Variants in ADGRB3 observed in about 807,000 individuals in gnomAD.
The protein encoded by ADGRB3 is brain-specific angiogenesis inhibitor 3.
Under a neutral mutation model 193.4 loss-of-function variants are expected in ADGRB3, and 37 were observed. The observed-to-expected ratio is 0.19, with a 90% CI of 0.15 to 0.25. The LOEUF is 0.25. ADGRB3 is among the 10% of genes least tolerant of loss of function. The probability of loss-of-function intolerance (pLI) is 1.00; values close to 1 mark genes in which losing one functional copy is unlikely to be tolerated. For synonymous variants in ADGRB3, 690 were observed against 644.2 expected, an observed-to-expected ratio of 1.07 and a Z score of -1.08; for missense variants, 1,637 against 1,852.9, an observed-to-expected ratio of 0.88 and a Z score of 2.14.
chr6:68,914,535 T>G (rs1766821604), intron 3 of ADGRB3, among the ~76,000 whole-genome samples: 1 of 152,046 alleles, frequency 6.6e-6, no homozygotes, highest in African/African-American at 2.4e-5. Context: ...AAGGAGCTCC[T>G]GAAGGAAGCA....
chr6:68,881,475 G>A (rs1765726883), intron 3 of ADGRB3, among the ~76,000 whole-genome samples: 1 of 152,074 alleles, frequency 6.6e-6, no homozygotes, highest in African/African-American at 2.4e-5. Context: ...ATATACATTG[G>A]CATGCAAGGC....
chr6:68,944,485 C>T (rs1444214641), intron 6 of ADGRB3, among the ~76,000 whole-genome samples: 1 of 152,082 alleles, frequency 6.6e-6, no homozygotes, highest in African/African-American at 2.4e-5. Flanking sequence ...AAATTGTAAA[C>T]AATTTACAAT....
At chr6:69,137,876 A>G (rs1774201817) in intron 17 of ADGRB3, among the ~76,000 whole-genome samples, 2 of 152,214 alleles carry the variant, frequency 1.3e-5, no homozygotes, top group African/African-American at 4.8e-5. Context: ...GCCTCATGTT[A>G]ACAGAACAAA....
chr6:68,778,232 G>T (rs1011369274), intron 3 of ADGRB3, among the ~76,000 whole-genome samples: 2 of 152,050 alleles, frequency 1.3e-5, no homozygotes, highest in African/African-American at 2.4e-5. Context: ...AATGGGTAAG[G>T]TTATCTAGTC....
chr6:69,375,894 G>T (rs2127342781), intron 30 of ADGRB3, among the ~76,000 whole-genome samples: 1 of 152,038 alleles, frequency 6.6e-6, no homozygotes, highest in African/African-American at 2.4e-5. Flanking sequence ...AGTGAACCAA[G>T]ATCGTGCCGC....
At chr6:69,217,922 G>A (rs1034678148) in intron 17 of ADGRB3, among the ~76,000 whole-genome samples, 5 of 151,988 alleles carry the variant, frequency 3.3e-5, no homozygotes, top group African/African-American at 1.2e-4. Flanking sequence ...AAAACTAAAT[G>A]AGTATGATAC....
chr6:69,364,020 G>A (rs1463150438), intron 29 of ADGRB3, among the ~76,000 whole-genome samples: 1 of 151,968 alleles, frequency 6.6e-6, no homozygotes, highest in Admixed American at 6.6e-5. Context: ...ATCACATGAG[G>A]CCTAAGCAAT....
intron 3 of ADGRB3, among the ~76,000 whole-genome samples, chr6:68,883,785 C>A (rs187414460): frequency 6.6e-6 from 1 of 152,170 alleles, no homozygotes; most frequent in Admixed American, 6.5e-5. Flanking sequence ...TAACACTCAC[C>A]GCCAGGGTCT....
At position 68,635,819 on chromosome 6, in the gene ADGRB3, C is replaced by G. The variant is rs141929159; in HGVS notation, c.-369C>G. On this transcript the variant is annotated 5_prime_UTR_variant, in exon 1 of 32. Transcript: ENST00000370598. ...ATCGACCCCCCTTTGGTTCCCACCC[C>G]CCACCTTTTGCTTTTCGTATGTATG... 2.6e-5 allele frequency: 4 copies of G among 153,464 alleles called. No homozygotes were observed. The highest frequency in any genetic ancestry group is 9.6e-5 in the African/African-American group (4 of 41,480). The allele number at this position is 153,464 out of a possible 1,614,324, so 9.5% of individuals were successfully genotyped here. A position where few individuals can be genotyped will look rare whatever the true frequency, so the allele number is the denominator to read the frequency against.
chr6:68,678,106 A>G (rs1764799446), intron 3 of ADGRB3, among the ~76,000 whole-genome samples: 1 of 152,036 alleles, frequency 6.6e-6, no homozygotes, highest in Non-Finnish European at 1.5e-5. Flanking sequence ...CTTGGTCTTT[A>G]TTTTCTTCAC....
At chr6:68,638,412 T>A (rs1582089697) in intron 2 of ADGRB3, among the ~76,000 whole-genome samples, 1 of 152,252 alleles carries the variant, frequency 6.6e-6, no homozygotes, top group Non-Finnish European at 1.5e-5. Context: ...TTCCTATTAA[T>A]AATCTATTAA....
At chr6:69,241,865 A>T (rs554202708) in intron 20 of ADGRB3, among the ~76,000 whole-genome samples, 1 of 152,006 alleles carries the variant, frequency 6.6e-6, no homozygotes, top group East Asian at 1.9e-4. Context: ...AAGTGGTAGT[A>T]TTGATGAAGA....
At chr6:69,210,546 A>G (rs1231205266) in intron 17 of ADGRB3, among the ~76,000 whole-genome samples, 1 of 152,076 alleles carries the variant, frequency 6.6e-6, no homozygotes, top group Non-Finnish European at 1.5e-5. Context: ...GACACTCGAT[A>G]ATAACCATCA....
chr6:68,772,819 A>G lies in ADGRB3; in HGVS notation c.757+133387A>G, dbSNP rs140229851. ...CATCACTTGAGCCCAGGAGTTTAAG[A>G]CCACCCTGGGCAACATGGTGAAAAC... On this transcript the variant is annotated intron_variant, in intron 3 of 31. Coordinates refer to ENST00000370598, the MANE Select transcript of ADGRB3 (RefSeq NM_001704.3). Among the ~76,000 whole-genome samples, 740 of 145,912 alleles carry G rather than the reference A, an allele frequency of 5.1e-3. 20 individuals carry two copies. The highest frequency in any genetic ancestry group is 0.049 in the Admixed American group (689 of 14,194).
At chr6:69,197,453 T>G (rs970627121) in intron 17 of ADGRB3, among the ~76,000 whole-genome samples, 2 of 151,976 alleles carry the variant, frequency 1.3e-5, no homozygotes, top group African/African-American at 4.8e-5. Flanking sequence ...AGTTACCTAC[T>G]TAATTGAAAA....
intron 10 of ADGRB3, among the ~76,000 whole-genome samples, chr6:68,980,501 G>C (rs1052974404): frequency 1.3e-5 from 2 of 151,460 alleles, no homozygotes; most frequent in African/African-American, 4.8e-5. Flanking sequence ...GTCACCATCT[G>C]ATTGCACAAA....
At chr6:68,803,993 G>C (rs1767358494) in intron 3 of ADGRB3, among the ~76,000 whole-genome samples, 1 of 152,066 alleles carries the variant, frequency 6.6e-6, no homozygotes, top group Non-Finnish European at 1.5e-5. Flanking sequence ...TAAGGATATG[G>C]ATCATCCAGT....
At chr6:69,244,598 G>A (rs985231364) in intron 20 of ADGRB3, among the ~76,000 whole-genome samples, 2 of 152,068 alleles carry the variant, frequency 1.3e-5, no homozygotes, top group African/African-American at 2.4e-5. Context: ...CTTTGAAGCA[G>A]ACTGCCCCCT....
intron 17 of ADGRB3, among the ~76,000 whole-genome samples, chr6:69,097,211 T>C (rs1449984282): frequency 6.6e-6 from 1 of 152,228 alleles, no homozygotes; most frequent in East Asian, 1.9e-4. Context: ...ATGACTCAGG[T>C]CGAGCTATAC....
Sources: allele counts gnomAD v4.1 joint callset (sites outside exome capture counted in the v4.1 genomes callset), GRCh38; gene constraint gnomAD v4.1.1; transcripts MANE v1.5; gene names NCBI Gene and HGNC (gene_info 2026-07-23, HGNC 2026-07-21).